The following EYA4 variants were observed in gnomAD, a reference collection of about 807,000 sequenced individuals.
EYA4 encodes the protein EYA transcriptional coactivator and phosphatase 4.
Under a neutral mutation model 87.9 loss-of-function variants are expected in EYA4, and 31 were observed. The observed-to-expected ratio is 0.35, with a 90% CI of 0.27 to 0.48. The LOEUF is 0.48. Ranked by LOEUF, EYA4 falls within the 20% of genes least tolerant of loss-of-function variation. EYA4 has a pLI of 0.99. For synonymous variants in EYA4, 263 were observed against 270.6 expected, an observed-to-expected ratio of 0.97 and a Z score of 0.28; for missense variants, 678 against 761.4, an observed-to-expected ratio of 0.89 and a Z score of 1.29.
chr6:133,383,601 C>A (rs1289826952), intron 3 of EYA4, among the ~76,000 whole-genome samples: 1 of 147,872 alleles, frequency 6.8e-6, no homozygotes, highest in African/African-American at 2.5e-5. Context: ...ATGTATAGTC[C>A]ACTTATAGTT....
At chr6:133,365,554 G>A (rs1165493505) in intron 2 of EYA4, among the ~76,000 whole-genome samples, 2 of 152,156 alleles carry the variant, frequency 1.3e-5, no homozygotes, top group African/African-American at 4.8e-5. Context: ...CATTTCCCAC[G>A]ATGGGGCGCA....
At chr6:133,491,761 C>T (rs1797178500) in intron 13 of EYA4, among the ~76,000 whole-genome samples, 1 of 151,944 alleles carries the variant, frequency 6.6e-6, no homozygotes, top group African/African-American at 2.4e-5. Context: ...ACCATCCTAG[C>T]TAACATGGTG....
intron 3 of EYA4, among the ~76,000 whole-genome samples, chr6:133,437,042 G>A (rs988834384): frequency 1.3e-5 from 2 of 152,096 alleles, no homozygotes; most frequent in African/African-American, 4.8e-5. Flanking sequence ...CTAGTTGCAT[G>A]TCTTTACATT....
chr6:133,395,159 T>A (rs1217429997), intron 3 of EYA4, among the ~76,000 whole-genome samples: 4 of 151,834 alleles, frequency 2.6e-5, no homozygotes, highest in Non-Finnish European at 4.4e-5. Context: ...AGGTTCTGGA[T>A]AGATGAGGTT....
At chr6:133,491,725 G>A (rs995552820) in intron 13 of EYA4, among the ~76,000 whole-genome samples, 1 of 152,006 alleles carries the variant, frequency 6.6e-6, no homozygotes, top group East Asian at 1.9e-4. Flanking sequence ...GCCGAGGTGG[G>A]CAGATCACGA....
chr6:133,456,012 A>G (rs1414089391), intron 5 of EYA4, among the ~76,000 whole-genome samples: 1 of 152,148 alleles, frequency 6.6e-6, no homozygotes, highest in Non-Finnish European at 1.5e-5. Flanking sequence ...TTGTTATGCC[A>G]TTAAAGTATG....
chr6:133,519,928 T>G (rs1018588298), intron 17 of EYA4, among the ~76,000 whole-genome samples: 1 of 151,824 alleles, frequency 6.6e-6, no homozygotes, highest in African/African-American at 2.4e-5. Flanking sequence ...AGAAAAAGCC[T>G]TTGACAAAAT....
chr6:133,313,850 A>G (rs1016274988), intron 2 of EYA4, among the ~76,000 whole-genome samples: 2 of 152,026 alleles, frequency 1.3e-5, no homozygotes, highest in African/African-American at 4.8e-5. Flanking sequence ...TAGCAAATGT[A>G]TATGAATTAT....
intron 2 of EYA4, among the ~76,000 whole-genome samples, chr6:133,359,220 C>T (rs1475066324): frequency 2.6e-5 from 4 of 152,144 alleles, no homozygotes; most frequent in African/African-American, 7.2e-5. Context: ...GTTAAGGGGG[C>T]TGACTTGCCC....
In EYA4 at chr6:133,477,933, G is replaced by A. The variant is rs73544975; in HGVS notation, c.971-3530G>A. On this transcript the variant is annotated intron_variant, in intron 11 of 19. Transcript: ENST00000355286. ...GACAAACAGCCTAGTTTTCTTAATG[G>A]GCAAAAGATTTAACAGTTACTTCAT... Among the ~76,000 whole-genome samples the A allele has an allele frequency of 3.7e-3, 556 of 151,628 alleles. 2 individuals carry two copies. Among genetic ancestry groups the A allele is most frequent in the African/African-American group, 0.013 (523 of 41,306 alleles).
rs113748870 is a variant in EYA4 at position 133,501,366 on chromosome 6, G to T, written c.1192-4740G>T. 7.3e-3 allele frequency among the ~76,000 whole-genome samples: 1,103 copies of T among 151,826 alleles called. 17 individuals are homozygous for T. Among genetic ancestry groups the T allele is most frequent in the African/African-American group, 0.025 (1,030 of 41,380 alleles). On this transcript the variant is annotated intron_variant, in intron 13 of 19. Transcript: ENST00000355286. ...ACGGGCTTTGCTTTTTTGGTTATCT[G>T]CTCTCTGCTTGGAATTTGAACGTGT...
At chr6:133,482,027 A>C (rs1796260233) in intron 12 of EYA4, among the ~76,000 whole-genome samples, 1 of 152,222 alleles carries the variant, frequency 6.6e-6, no homozygotes, top group Non-Finnish European at 1.5e-5. Context: ...ATCTTCTAAA[A>C]ATAGGACAAG....
intron 3 of EYA4, among the ~76,000 whole-genome samples, chr6:133,389,394 A>C: frequency 6.6e-6 from 1 of 152,168 alleles, no homozygotes; most frequent in South Asian, 2.1e-4. Context: ...CATGTGGTAG[A>C]TGCCTCCTCA....
At chr6:133,429,284 A>C (rs1790969041) in intron 3 of EYA4, among the ~76,000 whole-genome samples, 1 of 152,040 alleles carries the variant, frequency 6.6e-6, no homozygotes. Context: ...CCTGAATAAA[A>C]ATTAAGATTC....
Position 133,456,365 on chromosome 6 carries a change from G to A in EYA4, c.278-191G>A, listed in dbSNP as rs144344966. On this transcript the variant is annotated intron_variant, in intron 5 of 19. Coordinates refer to ENST00000355286, the MANE Select transcript of EYA4 (RefSeq NM_004100.5). ...AAGCTGGATTTGAGAGAACTAGCTT[G>A]GCCAGAGGATTTTAGATTAAATCCT... Among the ~76,000 whole-genome samples, 706 of 152,174 alleles carry A rather than the reference G, an allele frequency of 4.6e-3. 2 individuals are homozygous for A. The highest frequency in any genetic ancestry group is 9.2e-3 in the Admixed American group (141 of 15,272).
Position 133,290,483 on chromosome 6 carries a change from T to A in EYA4, c.33+15670T>A, listed in dbSNP as rs1778402556. On this transcript the variant is annotated intron_variant, in intron 2 of 19. Coordinates refer to ENST00000355286, the MANE Select transcript of EYA4 (RefSeq NM_004100.5). ...AAGGGGTAGACAACAACCTAGACTA[T>A]ATTTATTTTTCAATCTGCTAATGTG... 2.0e-5 allele frequency among the ~76,000 whole-genome samples: 3 copies of A among 152,206 alleles called. No individual in the cohort carries two copies. In the South Asian group the frequency reaches 6.2e-4, roughly 32 times the overall value.
Position 133,512,735 on chromosome 6 carries a change from T to A in EYA4, c.1296T>A (p.Val432=). 6.2e-7 allele frequency: 1 copy of A among 1,612,310 alleles called. No individual in the cohort carries two copies. Among genetic ancestry groups the A allele is most frequent in the Non-Finnish European group, 8.5e-7 (1 of 1,178,286 alleles). Residue 432 remains valine (V), a synonymous_variant, in exon 15 of 20, where the codon GTT becomes GTA. Coordinates refer to ENST00000355286, the MANE Select transcript of EYA4 (RefSeq NM_004100.5). ...FFNDLEECDQ[V]HIDDVSSDDN... ...GTTTTTAACAGGAGTGTGATCAAGT[T>A]CATATAGATGATGTTTCCTCTGATG...
intron 6 of EYA4, among the ~76,000 whole-genome samples, chr6:133,457,076 C>G (rs1343773628): frequency 6.6e-6 from 1 of 151,650 alleles, no homozygotes; most frequent in Non-Finnish European, 1.5e-5. Flanking sequence ...TGTTTCCTCT[C>G]TGGGTTTAAA....
chr6:133,355,636 T>C (rs1279189559), intron 2 of EYA4, among the ~76,000 whole-genome samples: 1 of 152,198 alleles, frequency 6.6e-6, no homozygotes, highest in Non-Finnish European at 1.5e-5. Flanking sequence ...GGATGGCTTG[T>C]CCTCATTGAT....
Sources: allele counts gnomAD v4.1 joint callset (sites outside exome capture counted in the v4.1 genomes callset), GRCh38; gene constraint gnomAD v4.1.1; transcripts MANE v1.5; gene names NCBI Gene and HGNC (gene_info 2026-07-23, HGNC 2026-07-21).